The following XRN2 variants were observed in gnomAD, a reference collection of about 807,000 sequenced individuals.
XRN2 encodes DHM1-like protein.
XRN2 carries 44 observed loss-of-function variants against 138.5 expected under a neutral mutation model. That is an observed-to-expected ratio of 0.32 (90% CI 0.25 to 0.41). The LOEUF (loss-of-function observed/expected upper bound fraction) is 0.41, where lower values mean the gene tolerates loss of function less well. Ranked by LOEUF, XRN2 falls within the 10% of genes least tolerant of loss-of-function variation. The pLI, the probability that XRN2 is intolerant of heterozygous loss-of-function variation, is 1.00. For missense variants in XRN2, 937 were observed against 1,169.3 expected (o/e 0.80, Z 2.90); for synonymous variants, 354 against 369.4 (o/e 0.96, Z 0.48).
In XRN2 at chr20:21,332,386, G is replaced by A; in HGVS notation, c.804G>A (p.Gln268=). ...NKPKPCGLCN[Q]FGHEVKDCEG... Reference sequence around the variant, plus strand: ...CCAAACCATGTGGTCTTTGTAATCAGTTTGGACATGAGGTCAAAGATTGTG... The same window carrying A: ...CCAAACCATGTGGTCTTTGTAATCAATTTGGACATGAGGTCAAAGATTGTG... The change falls in exon 9 of 30, where the codon CAG becomes CAA. Residue 268 remains glutamine (Q), a synonymous_variant. Transcript: ENST00000377191. The A allele has an allele frequency of 5.6e-6, 9 of 1,613,444 alleles. No homozygotes were observed. The highest frequency in any genetic ancestry group is 7.6e-6 in the Non-Finnish European group (9 of 1,179,672).
rs888094572 is a variant in XRN2 at position 21,303,444 on chromosome 20, T to A, written c.46T>A (p.Ser16Thr). ...CCGCTGGCTCAGCCGCAAGTACCCGTCCATCATAGTCAACTGCGTGGAAGA... is the reference window on the plus strand; with the variant it reads ...CCGCTGGCTCAGCCGCAAGTACCCGACCATCATAGTCAACTGCGTGGAAGA... ...FFRWLSRKYP[S>T]IIVNCVEEKP... Residue 16 changes from serine to threonine, a missense_variant, in exon 1 of 30, where the codon TCC (serine) becomes ACC (threonine). This residue lies in a region of XRN2 where 32 missense variants were observed against 32.9 expected (regional missense o/e 0.97). Coordinates refer to ENST00000377191, the MANE Select transcript of XRN2 (RefSeq NM_012255.5). 85 of 1,547,752 alleles carry A rather than the reference T, an allele frequency of 5.5e-5. No homozygotes were observed. The highest frequency in any genetic ancestry group is 3.6e-4 in the Middle Eastern group (2 of 5,596).
At chr20:21,366,114 TTATATTTATAGTTTATATATATAACATA>T (rs1215173821) in intron 26 of XRN2, among the ~76,000 whole-genome samples, 2 of 105,260 alleles carry the variant, frequency 1.9e-5, no homozygotes, top group African/African-American at 7.0e-5. Flanking sequence ...TAAATATATA[TTATATTTATAGTTTATATATATAACATA>T]TATAAATATA....
At chr20:21,375,589 T>A (rs943698378) in intron 27 of XRN2, among the ~76,000 whole-genome samples, 1 of 151,738 alleles carries the variant, frequency 6.6e-6, no homozygotes, top group East Asian at 1.9e-4. Flanking sequence ...ATTTTTTTTT[T>A]AATTTATAGG....
In XRN2 at chr20:21,386,943, G is replaced by A. The variant is rs750802352; in HGVS notation, c.2724G>A (p.Gln908=). The A allele has an allele frequency of 3.7e-6, 6 of 1,613,924 alleles. No homozygotes were observed. In the Admixed American group the frequency reaches 1.0e-4, roughly 27 times the overall value. The change falls in exon 29 of 30, where the codon CAG becomes CAA. Residue 908 remains glutamine, a synonymous_variant. Coordinates refer to ENST00000377191, the MANE Select transcript of XRN2 (RefSeq NM_012255.5). The part of the protein sequence containing the change: ...QTQNAAFQPN[Q]YQMLAGPGGY... ...AGAATGCAGCCTTCCAGCCAAACCA[G>A]TACCAGATGCTAGCTGGGCCTGGTG...
chr20:21,349,857 T>C (rs915151456), intron 20 of XRN2, among the ~76,000 whole-genome samples: 1 of 152,240 alleles, frequency 6.6e-6, no homozygotes, highest in African/African-American at 2.4e-5. Flanking sequence ...AATAGTAAAT[T>C]TAATTATAAC....
intron 24 of XRN2, among the ~76,000 whole-genome samples, chr20:21,364,155 TCTC>T (rs1433464973): frequency 6.6e-6 from 1 of 152,132 alleles, no homozygotes; most frequent in Non-Finnish European, 1.5e-5. Flanking sequence ...ATGGTCTCGA[TCTC>T]CTGACCTTGT....
rs180907420 is a variant in XRN2 at position 21,389,513 on chromosome 20, G to A, written c.*175G>A. The A allele has an allele frequency of 3.6e-5, 21 of 582,180 alleles. No homozygotes were observed. Among genetic ancestry groups the A allele is most frequent in the African/African-American group, 3.6e-4 (19 of 52,922 alleles). 36.1% of individuals were successfully genotyped at this position (582,180 alleles called of 1,614,324 possible). ...ACTGTTTATGTTGCTTTCCAAAGAT[G>A]TATGTTGCATAATACAGTGGATCTG... On this transcript the variant is annotated 3_prime_UTR_variant, in exon 30 of 30. Coordinates refer to ENST00000377191, the MANE Select transcript of XRN2 (RefSeq NM_012255.5).
intron 1 of XRN2, among the ~76,000 whole-genome samples, chr20:21,310,108 T>C (rs943179995): frequency 6.6e-6 from 1 of 152,240 alleles, no homozygotes; most frequent in Non-Finnish European, 1.5e-5. Flanking sequence ...CTTCTAGATA[T>C]TGTTTAAACA....
chr20:21,305,340 C>T (rs2037801053), intron 1 of XRN2, among the ~76,000 whole-genome samples: 1 of 152,144 alleles, frequency 6.6e-6, no homozygotes, highest in Non-Finnish European at 1.5e-5. Flanking sequence ...TCACTACAAC[C>T]TCTGGCCTCC....
intron 24 of XRN2, among the ~76,000 whole-genome samples, chr20:21,363,039 T>C (rs2038654893): frequency 6.6e-6 from 1 of 152,178 alleles, no homozygotes; most frequent in Non-Finnish European, 1.5e-5. Flanking sequence ...CAATCCTGTC[T>C]CATCTTAAAC....
chr20:21,331,952 A>G, intron 8 of XRN2, 134 bp downstream of exon 8: 1 of 955,634 alleles, frequency 1.0e-6, no homozygotes, highest in Non-Finnish European at 1.6e-6. Flanking sequence ...TCGACAGGGA[A>G]CTAGTATTGA....
chr20:21,323,945 A>G (rs1246203100), intron 1 of XRN2, among the ~76,000 whole-genome samples: 3 of 152,186 alleles, frequency 2.0e-5, no homozygotes, highest in Admixed American at 1.3e-4. Flanking sequence ...CAGGTCTGAA[A>G]TATTTACTGA....
At chr20:21,326,941 G>A (rs189740634) in intron 3 of XRN2, among the ~76,000 whole-genome samples, 1 of 152,306 alleles carries the variant, frequency 6.6e-6, no homozygotes, top group East Asian at 1.9e-4. Context: ...GAGGGAAGAG[G>A]AAGTCAGTGC....
chr20:21,388,343 T>C (rs1211752139), intron 29 of XRN2, among the ~76,000 whole-genome samples: 1 of 152,250 alleles, frequency 6.6e-6, no homozygotes, highest in East Asian at 1.9e-4. Flanking sequence ...TTAGAAGATA[T>C]AAACCAATTG....
chr20:21,336,924 G>A (rs1485044398), intron 13 of XRN2, among the ~76,000 whole-genome samples: 1 of 152,196 alleles, frequency 6.6e-6, no homozygotes, highest in Non-Finnish European at 1.5e-5. Flanking sequence ...TACAGACAGA[G>A]GGAATCACCA....
intron 23 of XRN2, among the ~76,000 whole-genome samples, chr20:21,357,138 G>GT (rs58409157): frequency 0.76 from 116,209 of 152,136 alleles, 44,693 homozygotes; most frequent in East Asian, 0.98. Flanking sequence ...AACATGTAGG[G>GT]TATCTTTTAG....
At chr20:21,360,779 G>A (rs2038628823) in intron 24 of XRN2, among the ~76,000 whole-genome samples, 1 of 152,170 alleles carries the variant, frequency 6.6e-6, no homozygotes, top group Non-Finnish European at 1.5e-5. Context: ...TGAAGGAAGT[G>A]GAATACATGC....
Position 21,328,657 on chromosome 20 carries a change from A to T in XRN2, c.414A>T (p.Glu138Asp), listed in dbSNP as rs1568573576. 6.2e-7 allele frequency: 1 copy of T among 1,613,576 alleles called. No homozygotes were observed. Among genetic ancestry groups the T allele is most frequent in the Non-Finnish European group, 8.5e-7 (1 of 1,179,854 alleles). The change falls in exon 4 of 30, where the codon GAA becomes GAT. Residue 138 changes from glutamate (E) to aspartate (D), a missense_variant. Physicochemically the swap from Glu to Asp is conservative, Grantham distance 45. Coordinates refer to ENST00000377191, the MANE Select transcript of XRN2 (RefSeq NM_012255.5). The part of the protein sequence containing the change: ...AAVEKQRVRE[E>D]ILAKGGFLPP... ...TCGAGAAGCAGCGAGTCAGGGAAGA[A>T]ATATTGGCAAAAGGTAAAGAATATG...
chr20:21,336,584 T>C (rs1273647853), intron 13 of XRN2, among the ~76,000 whole-genome samples: 1 of 152,244 alleles, frequency 6.6e-6, no homozygotes, highest in Non-Finnish European at 1.5e-5. Context: ...TAAGCAAATA[T>C]TTAAGTATTT....
Sources: gnomAD v4.1 joint callset for allele counts (sites outside exome capture counted in the v4.1 genomes callset) on GRCh38, gnomAD v4.1.1 for gene constraint, gnomAD v4.1.1 regional missense constraint, MANE v1.5 for transcripts, NCBI Gene and HGNC (gene_info 2026-07-23, HGNC 2026-07-21) for gene names.